PARP15: variants seen among roughly 807,000 people sequenced by gnomAD.
The protein encoded by PARP15 is poly(ADP-ribose) polymerase family member 15, also known as protein mono-ADP-ribosyltransferase PARP15.
In PARP15, 50 loss-of-function variants were observed where a neutral mutation model predicts 62.1. The observed-to-expected ratio is 0.81, with a 90% CI of 0.64 to 1.02. PARP15 has a LOEUF of 1.02. Among genes scored for constraint, PARP15 ranks in the 50% least tolerant of loss-of-function variants. The pLI, the probability that PARP15 is intolerant of heterozygous loss-of-function variation, is 0.00. For synonymous variants in PARP15, 309 were observed against 293.1 expected (o/e 1.05, Z -0.55); for missense variants, 820 against 826.5 (o/e 0.99, Z 0.10).
intron 1 of PARP15, among the ~76,000 whole-genome samples, chr3:122,590,947 C>T (rs1446919549): frequency 6.6e-6 from 1 of 152,146 alleles, no homozygotes; most frequent in Non-Finnish European, 1.5e-5. Context: ...AGTGGATGAT[C>T]GCCATCATTT....
chr3:122,626,905 C>T lies in PARP15; in HGVS notation c.1310C>T (p.Thr437Ile), dbSNP rs1261586716. The change falls in exon 9 of 12, where the codon ACC becomes ATC. Residue 437 changes from threonine (T) to isoleucine (I), a missense_variant. Around this residue, in one of 3 missense-constraint regions of PARP15, gnomAD observed 731 missense variants for 727.7 expected, o/e 1.00. Coordinates refer to ENST00000464300, the MANE Select transcript of PARP15 (RefSeq NM_001113523.3). Reference sequence around the variant, plus strand: ...GTAGACTTCTCATCACAACATTCCACCCCATCATTAAAAACAGTTAAAGTT... The same window carrying T: ...GTAGACTTCTCATCACAACATTCCATCCCATCATTAAAAACAGTTAAAGTT... The part of the protein sequence containing the change: ...AIVDFSSQHS[T>I]PSLKTVKVVI... 2.5e-6 allele frequency: 4 copies of T among 1,614,014 alleles called. No individual in the cohort carries two copies. Among genetic ancestry groups the T allele is most frequent in the South Asian group, 2.2e-5 (2 of 91,074 alleles).
At chr3:122,597,758 TACAC>T (rs1934473231) in intron 1 of PARP15, among the ~76,000 whole-genome samples, 1 of 152,184 alleles carries the variant, frequency 6.6e-6, no homozygotes, top group Non-Finnish European at 1.5e-5. Context: ...TATTATAATA[TACAC>T]AGAGTTGTTC....
Position 122,636,113 on chromosome 3 carries a change from C to A in PARP15, c.*13C>A. On this transcript the variant is annotated 3_prime_UTR_variant, in exon 12 of 12. Transcript: ENST00000464300. The stretch of plus-strand genomic sequence containing the variant: ...TTTCACGGCTTAAAAATATTTTTAT[C>A]ATCAAAGAGATGATTTAAGTCATCT... 1.3e-6 allele frequency: 2 copies of A among 1,599,138 alleles called. No individual in the cohort carries two copies. Among genetic ancestry groups the A allele is most frequent in the South Asian group, 2.2e-5 (2 of 89,524 alleles).
At position 122,613,113 on chromosome 3, in the gene PARP15, A is replaced by G. The variant is rs917208789; in HGVS notation, c.616A>G (p.Met206Val). 4 of 1,551,738 alleles carry G rather than the reference A, an allele frequency of 2.6e-6. No individual in the cohort carries two copies. The highest frequency in any genetic ancestry group is 1.4e-5 in the African/African-American group (1 of 73,070). Residue 206 changes from methionine (M) to valine (V), a missense_variant, in exon 4 of 12, where the codon ATG becomes GTG. Met to Val is a conservative substitution (Grantham distance 21, BLOSUM62 1). This residue lies in a region of PARP15 where 731 missense variants were observed against 727.7 expected (regional missense o/e 1.00). Coordinates refer to ENST00000464300, the MANE Select transcript of PARP15 (RefSeq NM_001113523.3). ...VLSFSSITFP[M>V]IGTGSLQFPK... ...ATCTTTCTCATCAATCACATTTCCC[A>G]TGATTGGAACAGGAAGTTTGCAGTT...
rs148246395 is a variant in PARP15, at chr3:122,631,061, C to T, written c.1439-1025C>T. On this transcript the variant is annotated intron_variant, in intron 9 of 11. Transcript: ENST00000464300. ...TAGAAGGCCCCCAAAAAACCTTCAC[C>T]TCCTTACTTCCCAGGCTTGCCTGCT... is the stretch of plus-strand genomic sequence containing the variant. Among the ~76,000 whole-genome samples the T allele has an allele frequency of 5.3e-3, 812 of 152,344 alleles. 1 individual carries two copies. Among genetic ancestry groups the T allele is most frequent in the Middle Eastern group, 0.014 (4 of 294 alleles).
intron 1 of PARP15, among the ~76,000 whole-genome samples, chr3:122,593,640 G>A (rs75966540): frequency 0.061 from 9,329 of 152,064 alleles, 936 homozygotes; most frequent in African/African-American, 0.21. Flanking sequence ...CTAATGTATA[G>A]GACATTATAC....
intron 1 of PARP15, among the ~76,000 whole-genome samples, chr3:122,595,632 T>C (rs527540697): frequency 1.4e-4 from 21 of 152,228 alleles, no homozygotes; most frequent in African/African-American, 5.1e-4. Context: ...CCACTGCCAC[T>C]TCCCCCTCCC....
Position 122,594,069 on chromosome 3 carries a change from C to A in PARP15, c.187-11867C>A, listed in dbSNP as rs75154157. On this transcript the variant is annotated intron_variant, in intron 1 of 11. Coordinates refer to ENST00000464300, the MANE Select transcript of PARP15 (RefSeq NM_001113523.3). ...GTTAGAGAGGATTGAATGACATATT[C>A]ACAGTCACACAGCTAGTACCTGTTT... Among the ~76,000 whole-genome samples, 306 of 152,274 alleles carry A rather than the reference C, an allele frequency of 2.0e-3. 1 individual carries two copies. The highest frequency in any genetic ancestry group is 6.8e-3 in the African/African-American group (283 of 41,540).
At chr3:122,615,211 T>C in intron 4 of PARP15, 1 of 1,269,484 alleles carries the variant, frequency 7.9e-7, no homozygotes, top group Non-Finnish European at 1.0e-6. Flanking sequence ...CAAAATGCCT[T>C]TTTGTTTTTT....
chr3:122,598,252 A>G (rs1176077425), intron 1 of PARP15, among the ~76,000 whole-genome samples: 1 of 152,232 alleles, frequency 6.6e-6, no homozygotes, highest in African/African-American at 2.4e-5. Context: ...ATTGCTACAT[A>G]ACAAATTACC....
chr3:122,598,847 A>C (rs562578897), intron 1 of PARP15, among the ~76,000 whole-genome samples: 2 of 152,226 alleles, frequency 1.3e-5, no homozygotes, highest in African/African-American at 4.8e-5. Context: ...TCTATATAGA[A>C]ATATTAGAGC....
At chr3:122,607,603 A>G (rs1238279256) in intron 2 of PARP15, among the ~76,000 whole-genome samples, 1 of 152,210 alleles carries the variant, frequency 6.6e-6, no homozygotes. Flanking sequence ...AATTAGTACT[A>G]CAACCTAATG....
At chr3:122,603,093 G>A (rs1397801776) in intron 1 of PARP15, among the ~76,000 whole-genome samples, 1 of 152,106 alleles carries the variant, frequency 6.6e-6, no homozygotes, top group Non-Finnish European at 1.5e-5. Flanking sequence ...TCAATGAAAG[G>A]CCCATTTCTG....
chr3:122,584,932 T>C (rs7634028), intron 1 of PARP15, among the ~76,000 whole-genome samples: 56,390 of 151,914 alleles, frequency 0.37, 10,885 homozygotes, highest in Admixed American at 0.46. Flanking sequence ...TTGGTCTAAG[T>C]TTTTTCAGTA....
intron 1 of PARP15, among the ~76,000 whole-genome samples, chr3:122,586,295 C>A (rs1286171180): frequency 6.6e-6 from 1 of 152,044 alleles, no homozygotes; most frequent in Non-Finnish European, 1.5e-5. Context: ...TAACCTGGAA[C>A]TCCTGTGTTC....
At position 122,635,111 on chromosome 3, in the gene PARP15, G is replaced by T. The variant is rs1286326898; in HGVS notation, c.1664G>T (p.Arg555Ile). ...AAGAATGACCATAAGAATAATGAGA[G>T]ACTCCTCTTCCATGGGACAGATGCA... ...DIKNDHKNNE[R>I]LLFHGTDADS... The change falls in exon 11 of 12, where the codon AGA becomes ATA. Residue 555 changes from arginine to isoleucine, a missense_variant. Arg to Ile is a moderately conservative substitution (Grantham distance 97). This residue lies in a region of PARP15 where 731 missense variants were observed against 727.7 expected (regional missense o/e 1.00). Coordinates refer to ENST00000464300, the MANE Select transcript of PARP15 (RefSeq NM_001113523.3). 7 of 1,613,936 alleles carry T rather than the reference G, an allele frequency of 4.3e-6. No individual in the cohort carries two copies. Among genetic ancestry groups the T allele is most frequent in the Non-Finnish European group, 5.9e-6 (7 of 1,179,958 alleles).
intron 6 of PARP15, among the ~76,000 whole-genome samples, chr3:122,618,011 T>C (rs1481258159): frequency 6.6e-6 from 1 of 152,172 alleles, no homozygotes; most frequent in African/African-American, 2.4e-5. Context: ...GGATTACAGG[T>C]GTGAGCCACC....
intron 5 of PARP15, 110 bp downstream of exon 5, chr3:122,615,967 T>A: frequency 9.6e-7 from 1 of 1,046,874 alleles, no homozygotes; most frequent in Non-Finnish European, 1.4e-6. Flanking sequence ...GAAGAACAAA[T>A]CTGTGATGGG....
At chr3:122,595,272 C>T (rs1403352774) in intron 1 of PARP15, among the ~76,000 whole-genome samples, 1 of 151,958 alleles carries the variant, frequency 6.6e-6, no homozygotes, top group South Asian at 2.1e-4. Context: ...ATTTCTTGAT[C>T]GAAATTTGTC....
Sources: gnomAD v4.1 joint callset for allele counts (sites outside exome capture counted in the v4.1 genomes callset) on GRCh38, gnomAD v4.1.1 for gene constraint, gnomAD v4.1.1 regional missense constraint, MANE v1.5 for transcripts, NCBI Gene and HGNC (gene_info 2026-07-23, HGNC 2026-07-21) for gene names.